Variants in BNC2 observed in about 807,000 individuals in gnomAD.
BNC2 encodes the protein zinc finger protein basonuclin-2.
A neutral mutation model predicts 76.3 loss-of-function variants in BNC2; 20 were observed. The ratio of observed to expected loss-of-function variants is 0.26; its 90% confidence interval spans 0.18 to 0.38. The LOEUF (loss-of-function observed/expected upper bound fraction) is 0.38. Ranked by LOEUF, BNC2 falls within the 10% of genes least tolerant of loss-of-function variation. BNC2 has a pLI of 1.00. For missense variants in BNC2, 1,382 were observed against 1,399.8 expected (o/e 0.99, Z 0.20); for synonymous variants, 582 against 514.8 (o/e 1.13, Z -1.77).
chr9:16,728,238 C>A, intron 2 of BNC2: 2 of 576,960 alleles, frequency 3.5e-6, no homozygotes, highest in South Asian at 3.9e-5. Context: ...GCAGGCGGCA[C>A]TGGAGACCCA....
intron 3 of BNC2, among the ~76,000 whole-genome samples, chr9:16,630,453 C>A (rs978082598): frequency 6.6e-6 from 1 of 152,042 alleles, no homozygotes; most frequent in African/African-American, 2.4e-5. Context: ...AAGCAGTGTA[C>A]GCAATATGGT....
chr9:16,451,726 C>T (rs1241295936), intron 5 of BNC2, among the ~76,000 whole-genome samples: 1 of 152,188 alleles, frequency 6.6e-6, no homozygotes, highest in East Asian at 1.9e-4. Context: ...CTTCCACCTT[C>T]CCACTCCCAT....
chr9:16,666,568 T>C (rs531791098), intron 3 of BNC2, among the ~76,000 whole-genome samples: 61 of 152,328 alleles, frequency 4.0e-4, no homozygotes, highest in African/African-American at 1.5e-3. Context: ...ATCTAAGCTA[T>C]CTTGGCAATT....
chr9:16,497,470 C>G (rs1822413554), intron 5 of BNC2, among the ~76,000 whole-genome samples: 1 of 152,146 alleles, frequency 6.6e-6, no homozygotes, highest in Admixed American at 6.5e-5. Context: ...AATTCATTCT[C>G]AAATTCCTAT....
intron 5 of BNC2, among the ~76,000 whole-genome samples, chr9:16,538,154 G>A (rs1818185326): frequency 1.3e-5 from 2 of 152,188 alleles, no homozygotes; most frequent in African/African-American, 2.4e-5. Context: ...AGAAGACAAA[G>A]CAGATGGTAC....
rs1554717037 is a variant in BNC2, at chr9:16,725,217, T to TCTCACACA, written c.330+2579_330+2580insTGTGTGAG. Among the ~76,000 whole-genome samples the TCTCACACA allele has an allele frequency of 7.4e-5, 11 of 148,162 alleles. No individual in the cohort carries two copies. The East Asian group carries it at 7.9e-4, about 11-fold the overall frequency. On this transcript the variant is annotated intron_variant, in intron 3 of 6. Coordinates refer to ENST00000380672, the MANE Select transcript of BNC2 (RefSeq NM_017637.6). ...TATAATTTCAATAAGTCTCTCTCTC[T>TCTCACACA]CACACACACACACACACACACACAC... is the stretch of plus-strand genomic sequence containing the variant.
intron 5 of BNC2, among the ~76,000 whole-genome samples, chr9:16,517,465 T>G (rs996975948): frequency 2.6e-5 from 4 of 152,182 alleles, no homozygotes; most frequent in Admixed American, 6.5e-5. Context: ...AGCCCAATTC[T>G]GATCATGAGT....
intron 1 of BNC2, among the ~76,000 whole-genome samples, chr9:16,801,791 T>C (rs1046044369): frequency 6.6e-6 from 1 of 151,546 alleles, no homozygotes; most frequent in Non-Finnish European, 1.5e-5. Context: ...TGTAAGTTAA[T>C]TAATTGAAAC....
chr9:16,512,765 C>T (rs10118467), intron 5 of BNC2, among the ~76,000 whole-genome samples: 16,813 of 152,094 alleles, frequency 0.11, 1,234 homozygotes, highest in East Asian at 0.29. Flanking sequence ...TCTCAACCAT[C>T]AATTAGTTGT....
intron 1 of BNC2, among the ~76,000 whole-genome samples, chr9:16,841,835 G>C (rs1340850329): frequency 1.7e-4 from 1 of 5,906 alleles, no homozygotes; most frequent in African/African-American, 1.9e-4. Flanking sequence ...TTGAGACAGA[G>C]TTTCACTCTT....
At chr9:16,869,027 T>G (rs879724456) in intron 1 of BNC2, among the ~76,000 whole-genome samples, 2 of 152,296 alleles carry the variant, frequency 1.3e-5, no homozygotes, top group East Asian at 3.9e-4. Flanking sequence ...TAGGAATACA[T>G]GTGTAGACAA....
At chr9:16,859,352 T>C (rs1164177821) in intron 1 of BNC2, among the ~76,000 whole-genome samples, 1 of 152,186 alleles carries the variant, frequency 6.6e-6, no homozygotes, top group East Asian at 1.9e-4. Context: ...TACATATATG[T>C]CCAAAGATTG....
At chr9:16,664,558 G>C (rs1212854234) in intron 3 of BNC2, among the ~76,000 whole-genome samples, 1 of 151,900 alleles carries the variant, frequency 6.6e-6, no homozygotes, top group Non-Finnish European at 1.5e-5. Flanking sequence ...ACAACTTCAG[G>C]GTTTCTATGC....
At chr9:16,714,823 T>C (rs1226477017) in intron 3 of BNC2, among the ~76,000 whole-genome samples, 1 of 152,250 alleles carries the variant, frequency 6.6e-6, no homozygotes, top group Non-Finnish European at 1.5e-5. Context: ...TTACCTGTTC[T>C]GTTGAAAATG....
chr9:16,483,790 T>A (rs1187283498), intron 5 of BNC2, among the ~76,000 whole-genome samples: 1 of 152,186 alleles, frequency 6.6e-6, no homozygotes, highest in African/African-American at 2.4e-5. Flanking sequence ...TCCTAAGGAA[T>A]GGTCCCTGAG....
At chr9:16,806,156 G>A (rs1817904790) in intron 1 of BNC2, among the ~76,000 whole-genome samples, 2 of 152,106 alleles carry the variant, frequency 1.3e-5, no homozygotes, top group South Asian at 2.1e-4. Context: ...GCTTTAACAG[G>A]GGGTGATATA....
At chr9:16,537,730 G>A (rs1428132052) in intron 5 of BNC2, among the ~76,000 whole-genome samples, 1 of 152,156 alleles carries the variant, frequency 6.6e-6, no homozygotes, top group Non-Finnish European at 1.5e-5. Context: ...CTGTGGCATA[G>A]GCAAATCTAA....
chr9:16,774,490 C>T (rs1005983991), intron 1 of BNC2, among the ~76,000 whole-genome samples: 15 of 152,228 alleles, frequency 9.9e-5, no homozygotes, highest in African/African-American at 3.4e-4. Flanking sequence ...ATAGCTTGTG[C>T]TGTAGCTCAG....
intron 1 of BNC2, among the ~76,000 whole-genome samples, chr9:16,838,545 G>A (rs965581981): frequency 1.3e-5 from 2 of 152,116 alleles, no homozygotes; most frequent in African/African-American, 4.8e-5. Flanking sequence ...TGGACAACAA[G>A]AGCGAAACTC....
Sources: allele counts gnomAD v4.1 joint callset (sites outside exome capture counted in the v4.1 genomes callset), GRCh38; gene constraint gnomAD v4.1.1; transcripts MANE v1.5; gene names NCBI Gene and HGNC (gene_info 2026-07-23, HGNC 2026-07-21).